Variants in FHIT observed in about 807,000 individuals in gnomAD.
The protein encoded by FHIT is bis(5'-adenosyl)-triphosphatase.
In FHIT, 19 loss-of-function variants were observed where a neutral mutation model predicts 17.9. That is an observed-to-expected ratio of 1.06 (90% CI 0.74 to 1.56). FHIT has a LOEUF of 1.56. Ranked by LOEUF, FHIT falls within the 40% of genes most tolerant of loss-of-function variation. The probability of loss-of-function intolerance (pLI) is 0.00; values close to 1 mark genes in which losing one functional copy is unlikely to be tolerated. For missense variants in FHIT, 248 were observed against 189.2 expected, an observed-to-expected ratio of 1.31 and a Z score of -1.82; for synonymous variants, 81 against 69.7, an observed-to-expected ratio of 1.16 and a Z score of -0.81.
At chr3:60,985,284 T>C (rs1285958767) in intron 3 of FHIT, among the ~76,000 whole-genome samples, 2 of 152,182 alleles carry the variant, frequency 1.3e-5, no homozygotes, top group East Asian at 1.9e-4. Flanking sequence ...GCACAAACTC[T>C]TCCTTCATGC....
chr3:60,724,674 T>TG, intron 4 of FHIT, among the ~76,000 whole-genome samples: 1 of 148,998 alleles, frequency 6.7e-6, no homozygotes, highest in African/African-American at 2.5e-5. Context: ...TTTTTTTTTT[T>TG]GAGACAGCCT....
intron 5 of FHIT, among the ~76,000 whole-genome samples, chr3:60,031,793 A>T (rs888640002): frequency 6.6e-6 from 1 of 152,198 alleles, no homozygotes; most frequent in African/African-American, 2.4e-5. Context: ...GTGCATGGAT[A>T]AAAGGAAGGA....
At chr3:60,810,198 T>G (rs1701531618) in intron 4 of FHIT, among the ~76,000 whole-genome samples, 1 of 152,216 alleles carries the variant, frequency 6.6e-6, no homozygotes, top group African/African-American at 2.4e-5. Context: ...TTTCATCAGC[T>G]GGCAGAATGA....
intron 3 of FHIT, among the ~76,000 whole-genome samples, chr3:60,887,004 G>A (rs1705254557): frequency 6.6e-6 from 1 of 152,058 alleles, no homozygotes; most frequent in African/African-American, 2.4e-5. Flanking sequence ...GACTATATTT[G>A]CAAATGTTAT....
intron 5 of FHIT, among the ~76,000 whole-genome samples, chr3:60,189,083 C>T (rs1459338950): frequency 6.6e-6 from 1 of 152,068 alleles, no homozygotes; most frequent in Non-Finnish European, 1.5e-5. Context: ...CATGAGACAG[C>T]CCCTGCCTAC....
chr3:60,440,546 T>C (rs2030706517), intron 5 of FHIT, among the ~76,000 whole-genome samples: 1 of 152,088 alleles, frequency 6.6e-6, no homozygotes, highest in South Asian at 2.1e-4. Context: ...AGCAATCCTA[T>C]AAAGTACTAT....
intron 5 of FHIT, among the ~76,000 whole-genome samples, chr3:60,441,871 T>A (rs1183998283): frequency 7.0e-6 from 1 of 141,862 alleles, no homozygotes; most frequent in African/African-American, 2.6e-5. Flanking sequence ...TTTTTTTTAA[T>A]TTTAAGAGAC....
At chr3:61,242,291 CA>C (rs972326510) in intron 1 of FHIT, among the ~76,000 whole-genome samples, 43 of 147,588 alleles carry the variant, frequency 2.9e-4, no homozygotes, top group Non-Finnish European at 2.9e-4. Flanking sequence ...AAAACAACAA[CA>C]AAAAAAAAAA....
intron 5 of FHIT, among the ~76,000 whole-genome samples, chr3:60,279,120 A>G (rs189573408): frequency 1.2e-4 from 19 of 152,264 alleles, no homozygotes; most frequent in African/African-American, 4.3e-4. Context: ...CAAAAGATCA[A>G]TAAAATTGCT....
intron 4 of FHIT, among the ~76,000 whole-genome samples, chr3:60,587,508 TTAAAA>T (rs1252901591): frequency 3.3e-5 from 5 of 150,340 alleles, no homozygotes; most frequent in East Asian, 1.9e-4. Context: ...ATGCTGGAAC[TTAAAA>T]TAAAATTTAA....
chr3:60,877,364 C>G (rs1187291405), intron 3 of FHIT, among the ~76,000 whole-genome samples: 1 of 152,176 alleles, frequency 6.6e-6, no homozygotes, highest in Non-Finnish European at 1.5e-5. Context: ...CTCTACCTGC[C>G]CTCCCTCACC....
intron 5 of FHIT, among the ~76,000 whole-genome samples, chr3:60,144,065 C>G (rs956060321): frequency 6.6e-6 from 1 of 152,136 alleles, no homozygotes; most frequent in African/African-American, 2.4e-5. Flanking sequence ...ACTGAGAAAT[C>G]AGTCTCTTCA....
intron 5 of FHIT, among the ~76,000 whole-genome samples, chr3:60,174,188 G>A (rs567954428): frequency 1.3e-5 from 2 of 151,642 alleles, no homozygotes; most frequent in East Asian, 3.9e-4. Context: ...GGGATTACAG[G>A]CGTGAGCCAC....
At chr3:59,900,831 C>G (rs1704295080) in intron 8 of FHIT, among the ~76,000 whole-genome samples, 1 of 152,112 alleles carries the variant, frequency 6.6e-6, no homozygotes, top group Non-Finnish European at 1.5e-5. Flanking sequence ...CCAAGCTGGT[C>G]TCGAACTCCT....
At chr3:60,512,028 T>C (rs2034968504) in intron 5 of FHIT, among the ~76,000 whole-genome samples, 1 of 151,992 alleles carries the variant, frequency 6.6e-6, no homozygotes, top group Non-Finnish European at 1.5e-5. Context: ...CAGAATAATG[T>C]CTGTAAATAT....
At chr3:60,997,295 G>T (rs1302490973) in intron 3 of FHIT, among the ~76,000 whole-genome samples, 1 of 152,168 alleles carries the variant, frequency 6.6e-6, no homozygotes, top group Non-Finnish European at 1.5e-5. Flanking sequence ...CACAGCCACA[G>T]GCTGCAACAG....
chr3:60,370,305 G>A (rs1173347041), intron 5 of FHIT, among the ~76,000 whole-genome samples: 1 of 152,130 alleles, frequency 6.6e-6, no homozygotes, highest in Non-Finnish European at 1.5e-5. Context: ...CATAAAAACA[G>A]GTTTCCTTTT....
intron 8 of FHIT, among the ~76,000 whole-genome samples, chr3:59,910,087 C>A (rs1156365803): frequency 6.6e-6 from 1 of 152,156 alleles, no homozygotes; most frequent in Non-Finnish European, 1.5e-5. Context: ...TGTGACACAG[C>A]CTCAGGAGGT....
intron 5 of FHIT, among the ~76,000 whole-genome samples, chr3:60,424,901 C>G (rs933452019): frequency 1.3e-5 from 2 of 152,148 alleles, no homozygotes; most frequent in Admixed American, 6.6e-5. Flanking sequence ...TCCACAGGCT[C>G]TGAAGTTTTT....
Sources: gnomAD v4.1 joint callset for allele counts (sites outside exome capture counted in the v4.1 genomes callset) on GRCh38, gnomAD v4.1.1 for gene constraint, MANE v1.5 for transcripts, NCBI Gene and HGNC (gene_info 2026-07-23, HGNC 2026-07-21) for gene names.